The following CFDP1 variants were observed in gnomAD, a reference collection of about 807,000 sequenced individuals.
The protein encoded by CFDP1 is heterochromatin-stabilizing protein CFDP1.
In CFDP1, 31 loss-of-function variants were observed where a neutral mutation model predicts 40.1. That is an observed-to-expected ratio of 0.77 (90% confidence interval 0.58 to 1.04). CFDP1 has a LOEUF of 1.04. Ranked by LOEUF, CFDP1 falls within the 50% of genes least tolerant of loss-of-function variation. The pLI is 0.00. For synonymous variants in CFDP1, 167 were observed against 120.0 expected (o/e 1.39, Z -2.56); for missense variants, 423 against 343.4 (o/e 1.23, Z -1.83).
chr16:75,384,530 G>T (rs1332926667), intron 5 of CFDP1, among the ~76,000 whole-genome samples: 1 of 152,108 alleles, frequency 6.6e-6, no homozygotes, highest in African/African-American at 2.4e-5. Context: ...AATTGCTTCT[G>T]CCTATTTAGC....
chr16:75,330,147 C>T (rs114405748), intron 5 of CFDP1, among the ~76,000 whole-genome samples: 3,360 of 152,280 alleles, frequency 0.022, 68 homozygotes, highest in African/African-American at 0.054. Flanking sequence ...GTAGCGAAAG[C>T]TCCTGATATT....
chr16:75,362,121 G>GT (rs2078683807), intron 5 of CFDP1, among the ~76,000 whole-genome samples: 1 of 152,308 alleles, frequency 6.6e-6, no homozygotes, highest in East Asian at 1.9e-4. Flanking sequence ...CACAAATTGG[G>GT]TAATAAGTCA....
At chr16:75,384,257 T>A (rs879848018) in intron 5 of CFDP1, among the ~76,000 whole-genome samples, 2 of 152,066 alleles carry the variant, frequency 1.3e-5, no homozygotes, top group African/African-American at 4.8e-5. Flanking sequence ...CTTGGGAGGC[T>A]AAGGCAGGAG....
intron 5 of CFDP1, among the ~76,000 whole-genome samples, chr16:75,383,373 T>C (rs2078866968): frequency 6.6e-6 from 1 of 152,222 alleles, no homozygotes; most frequent in African/African-American, 2.4e-5. Flanking sequence ...GCAAGTTGCC[T>C]TTTTAAGAAC....
At chr16:75,338,340 C>G (rs1386605025) in intron 5 of CFDP1, among the ~76,000 whole-genome samples, 1 of 152,144 alleles carries the variant, frequency 6.6e-6, no homozygotes, top group East Asian at 1.9e-4. Context: ...AGGGATCATT[C>G]ATCAAGGAAG....
intron 5 of CFDP1, among the ~76,000 whole-genome samples, chr16:75,358,095 A>G (rs530958109): frequency 6.6e-6 from 1 of 152,328 alleles, no homozygotes; most frequent in South Asian, 2.1e-4. Context: ...GCTCCAAAAC[A>G]ATTACAATAG....
intron 5 of CFDP1, among the ~76,000 whole-genome samples, chr16:75,361,621 AG>A (rs1283786446): frequency 6.6e-6 from 1 of 152,178 alleles, no homozygotes; most frequent in Non-Finnish European, 1.5e-5. Flanking sequence ...TGTCTCAAAA[AG>A]AAAAACAAAA....
chr16:75,333,619 A>G (rs994550824), intron 5 of CFDP1, among the ~76,000 whole-genome samples: 1 of 152,238 alleles, frequency 6.6e-6, no homozygotes, highest in African/African-American at 2.4e-5. Context: ...ATTGCAGGCT[A>G]AATTTTAAAA....
At chr16:75,396,476 T>C (rs1396982396) in intron 4 of CFDP1, among the ~76,000 whole-genome samples, 1 of 102,618 alleles carries the variant, frequency 9.7e-6, no homozygotes. Context: ...GAGGTGGAGG[T>C]TGCAGTGAGC....
At chr16:75,331,317 A>T (rs917823129) in intron 5 of CFDP1, among the ~76,000 whole-genome samples, 2 of 152,222 alleles carry the variant, frequency 1.3e-5, no homozygotes, top group South Asian at 4.1e-4. Flanking sequence ...GAGTCTTGCT[A>T]TGTTGCCCAG....
At chr16:75,299,912 A>T (rs1437914302) in intron 6 of CFDP1, among the ~76,000 whole-genome samples, 3 of 152,154 alleles carry the variant, frequency 2.0e-5, no homozygotes, top group Non-Finnish European at 2.9e-5. Context: ...ATGACAAATC[A>T]GAGCCTCCTG....
chr16:75,353,927 C>T (rs1032071357), intron 5 of CFDP1, among the ~76,000 whole-genome samples: 4 of 152,208 alleles, frequency 2.6e-5, no homozygotes, highest in Admixed American at 2.0e-4. Context: ...CTGTTCTAAG[C>T]CCCTTTCTGG....
At chr16:75,415,068 G>A (rs1470594970) in intron 1 of CFDP1, among the ~76,000 whole-genome samples, 2 of 152,146 alleles carry the variant, frequency 1.3e-5, no homozygotes, top group African/African-American at 4.8e-5. Flanking sequence ...TTCTACTAAT[G>A]TGTTTCTCAA....
In CFDP1 at chr16:75,364,124, AC is replaced by A. The variant is rs1381163024; in HGVS notation, c.650+30965del. On this transcript the variant is annotated intron_variant, in intron 5 of 6. Transcript: ENST00000283882. Reference sequence around the variant, plus strand: ...ATGTGTTTAAAGTGAAATTAAAAAAACAAAACAAAACAAAACAAACAAACAA... The same window carrying A: ...ATGTGTTTAAAGTGAAATTAAAAAAAAAAACAAAACAAAACAAACAAACAA... Among the ~76,000 whole-genome samples, 22 of 152,188 alleles carry A rather than the reference AC, an allele frequency of 1.4e-4. 3 individuals carry two copies. The highest frequency in any genetic ancestry group is 7.9e-4 in the Admixed American group (12 of 15,284).
intron 5 of CFDP1, among the ~76,000 whole-genome samples, chr16:75,392,974 T>C (rs2078964813): frequency 6.6e-6 from 1 of 152,176 alleles, no homozygotes; most frequent in Non-Finnish European, 1.5e-5. Context: ...GAGTATGAAG[T>C]AGATAAAGAT....
intron 5 of CFDP1, among the ~76,000 whole-genome samples, chr16:75,333,313 C>A (rs529285430): frequency 6.6e-6 from 1 of 150,544 alleles, no homozygotes; most frequent in Admixed American, 6.6e-5. Flanking sequence ...TTAGTAGAGA[C>A]GGGGTTTCAC....
intron 5 of CFDP1, among the ~76,000 whole-genome samples, chr16:75,308,859 G>C (rs886244078): frequency 6.6e-6 from 1 of 152,146 alleles, no homozygotes; most frequent in African/African-American, 2.4e-5. Flanking sequence ...ATGCACAGCA[G>C]TGAGGTTTCC....
intron 5 of CFDP1, among the ~76,000 whole-genome samples, chr16:75,378,295 G>GATT (rs2078819886): frequency 1.3e-5 from 2 of 151,684 alleles, no homozygotes; most frequent in Admixed American, 1.3e-4. Context: ...GTCTCTGCTT[G>GATT]AACTATGGCA....
At chr16:75,422,719 TC>T (rs2079294298) in intron 1 of CFDP1, among the ~76,000 whole-genome samples, 3 of 141,476 alleles carry the variant, frequency 2.1e-5, no homozygotes, top group African/African-American at 8.0e-5. Flanking sequence ...AAAACTGTGA[TC>T]AAAAAAAAAA....
Sources: allele counts gnomAD v4.1 joint callset (sites outside exome capture counted in the v4.1 genomes callset), GRCh38; gene constraint gnomAD v4.1.1; transcripts MANE v1.5; gene names NCBI Gene and HGNC (gene_info 2026-07-23, HGNC 2026-07-21).